The following CNTLN variants were observed in gnomAD, a reference collection of about 807,000 sequenced individuals.
CNTLN encodes centlein.
A neutral mutation model predicts 180.0 loss-of-function variants in CNTLN; 212 were observed. That is an observed-to-expected ratio of 1.18 (90% CI 1.05 to 1.32). CNTLN has a LOEUF of 1.32. Ranked by LOEUF, CNTLN falls within the 40% of genes most tolerant of loss-of-function variation. The pLI, the probability that CNTLN is intolerant of heterozygous loss-of-function variation, is 0.00. For missense variants in CNTLN, 2,095 were observed against 1,610.9 expected (o/e 1.30, Z -5.14); for synonymous variants, 722 against 563.1 (o/e 1.28, Z -3.99).
intron 13 of CNTLN, among the ~76,000 whole-genome samples, chr9:17,380,235 A>T (rs1214318363): frequency 6.6e-6 from 1 of 152,194 alleles, no homozygotes; most frequent in African/African-American, 2.4e-5. Flanking sequence ...GACCTGAGGC[A>T]TTGGGGGAGG....
intron 25 of CNTLN, among the ~76,000 whole-genome samples, chr9:17,489,035 CTT>C (rs1359140130): frequency 6.6e-6 from 1 of 152,032 alleles, no homozygotes; most frequent in African/African-American, 2.4e-5. Flanking sequence ...TTGCTGATGT[CTT>C]TGAATTTTGT....
chr9:17,359,725 CAAAAAAAAAAAAA>C (rs1176814681), intron 12 of CNTLN, among the ~76,000 whole-genome samples: 2 of 21,334 alleles, frequency 9.4e-5, no homozygotes, highest in African/African-American at 2.5e-4. Context: ...ACTAAAAATA[CAAAAAAAAAAAAA>C]AAAAAAAAAA....
chr9:17,471,221 A>G (rs1158616541), intron 23 of CNTLN, among the ~76,000 whole-genome samples: 1 of 152,046 alleles, frequency 6.6e-6, no homozygotes, highest in Non-Finnish European at 1.5e-5. Flanking sequence ...TCTTTCAGCC[A>G]CGAATTTTTG....
chr9:17,181,538 G>T (rs1440756876), intron 2 of CNTLN, among the ~76,000 whole-genome samples: 4 of 152,172 alleles, frequency 2.6e-5, no homozygotes, highest in Non-Finnish European at 5.9e-5. Flanking sequence ...GGCATCTGTG[G>T]ATTTGTTAAC....
At chr9:17,383,368 G>C (rs1476247861) in intron 13 of CNTLN, among the ~76,000 whole-genome samples, 2 of 151,018 alleles carry the variant, frequency 1.3e-5, no homozygotes, top group Non-Finnish European at 2.9e-5. Flanking sequence ...AAAAAAAAAA[G>C]TTGGGTGTGG....
At chr9:17,155,454 G>A (rs928799448) in intron 2 of CNTLN, among the ~76,000 whole-genome samples, 2 of 152,176 alleles carry the variant, frequency 1.3e-5, no homozygotes, top group Non-Finnish European at 2.9e-5. Flanking sequence ...TTTTTATAGA[G>A]ATGCCCTTTC....
At chr9:17,474,056 T>G (rs1389457037) in intron 23 of CNTLN, among the ~76,000 whole-genome samples, 2 of 152,190 alleles carry the variant, frequency 1.3e-5, no homozygotes, top group African/African-American at 4.8e-5. Flanking sequence ...GGGTTCAGTC[T>G]TTATACCTTT....
the CNTLN span, among the ~76,000 whole-genome samples, chr9:17,517,216 C>T: frequency 6.6e-6 from 1 of 151,840 alleles, no homozygotes; most frequent in African/African-American, 2.4e-5. Context: ...TGGTGAAACC[C>T]CGTCTCTACT....
intron 23 of CNTLN, among the ~76,000 whole-genome samples, chr9:17,477,971 T>G (rs1270647484): frequency 6.6e-6 from 1 of 152,190 alleles, no homozygotes; most frequent in Non-Finnish European, 1.5e-5. Flanking sequence ...CAAGTTTCAC[T>G]GTTGTCTTAA....
chr9:17,154,069 G>T (rs1365314484), intron 2 of CNTLN, among the ~76,000 whole-genome samples: 3 of 152,022 alleles, frequency 2.0e-5, no homozygotes, highest in African/African-American at 7.3e-5. Flanking sequence ...TCTTTTTCAA[G>T]GTTCTTAGCT....
intron 2 of CNTLN, among the ~76,000 whole-genome samples, chr9:17,168,924 G>A (rs1820256334): frequency 1.3e-5 from 2 of 152,104 alleles, no homozygotes; most frequent in African/African-American, 4.8e-5. Flanking sequence ...AATTACAGGG[G>A]CAGGAGTTAT....
chr9:17,369,267 C>A (rs1017423699), intron 13 of CNTLN, among the ~76,000 whole-genome samples: 6 of 152,060 alleles, frequency 3.9e-5, no homozygotes, highest in African/African-American at 1.2e-4. Context: ...CCTTCACCTT[C>A]CACCATGATT....
intron 13 of CNTLN, among the ~76,000 whole-genome samples, chr9:17,386,943 G>T (rs1825728160): frequency 1.3e-5 from 2 of 152,190 alleles, no homozygotes; most frequent in Non-Finnish European, 2.9e-5. Flanking sequence ...GCACCATGGT[G>T]TTAGGGGACT....
At chr9:17,344,570 C>T (rs1821730059) in intron 12 of CNTLN, among the ~76,000 whole-genome samples, 1 of 152,076 alleles carries the variant, frequency 6.6e-6, no homozygotes, top group African/African-American at 2.4e-5. Context: ...AGACTTTCTA[C>T]TCTCAGGGAA....
intron 8 of CNTLN, among the ~76,000 whole-genome samples, chr9:17,314,798 C>T (rs1017969080): frequency 6.6e-6 from 1 of 152,236 alleles, no homozygotes; most frequent in Non-Finnish European, 1.5e-5. Context: ...TTATAATTTG[C>T]TTGGAGTTTA....
intron 5 of CNTLN, among the ~76,000 whole-genome samples, chr9:17,269,469 T>A (rs1249195869): frequency 6.6e-6 from 1 of 152,132 alleles, no homozygotes; most frequent in Non-Finnish European, 1.5e-5. Context: ...TTTTCTAATT[T>A]TTATTTGTCT....
intron 15 of CNTLN, among the ~76,000 whole-genome samples, chr9:17,399,053 C>T (rs1826760375): frequency 6.6e-6 from 1 of 152,144 alleles, no homozygotes; most frequent in Admixed American, 6.5e-5. Flanking sequence ...ATTAGTTTTC[C>T]ATATATTTGC....
intron 8 of CNTLN, among the ~76,000 whole-genome samples, chr9:17,319,198 A>G (rs1398114596): frequency 2.6e-5 from 4 of 152,168 alleles, no homozygotes; most frequent in African/African-American, 9.7e-5. Context: ...CAGAGGTGAG[A>G]AAGTTTGTGG....
intron 2 of CNTLN, among the ~76,000 whole-genome samples, chr9:17,177,875 C>T (rs1314505504): frequency 1.3e-5 from 2 of 152,164 alleles, no homozygotes; most frequent in African/African-American, 4.8e-5. Context: ...ACTGCTGGCT[C>T]AGGCAGCGGT....
Sources: gnomAD v4.1 joint callset for allele counts (sites outside exome capture counted in the v4.1 genomes callset) on GRCh38, gnomAD v4.1.1 for gene constraint, MANE v1.5 for transcripts, NCBI Gene and HGNC (gene_info 2026-07-23, HGNC 2026-07-21) for gene names.